Variants in LSG1 observed in about 807,000 individuals in gnomAD.
LSG1 encodes the protein large subunit GTPase 1 homolog.
In LSG1, 55 loss-of-function variants were observed where a neutral mutation model predicts 82.6. The ratio of observed to expected loss-of-function variants is 0.67; its 90% CI spans 0.54 to 0.83. LSG1 has a LOEUF of 0.83. Ranked by LOEUF, LSG1 falls within the 40% of genes least tolerant of loss-of-function variation. The pLI, the probability that LSG1 is intolerant of heterozygous loss-of-function variation, is 0.00. For missense variants in LSG1, 809 were observed against 807.9 expected, an observed-to-expected ratio of 1.00 and a Z score of -0.02; for synonymous variants, 272 against 282.5, an observed-to-expected ratio of 0.96 and a Z score of 0.37.
At chr3:194,667,015 A>G (rs1719043590) in intron 2 of LSG1, among the ~76,000 whole-genome samples, 1 of 152,030 alleles carries the variant, frequency 6.6e-6, no homozygotes, top group South Asian at 2.1e-4. Flanking sequence ...AGATGCTGAG[A>G]AGTAGAGGTG....
chr3:194,666,151 TA>T, intron 4 of LSG1, 51 bp downstream of exon 4: 1 of 1,474,736 alleles, frequency 6.8e-7, no homozygotes, highest in Non-Finnish European at 9.5e-7. Context: ...GCATGCCAAA[TA>T]TCTGAACTCA....
chr3:194,645,583 C>CACACACACAGACAG lies in LSG1; in HGVS notation c.1623+580_1623+581insCTGTCTGTGTGTGT, dbSNP rs1560219875. Among the ~76,000 whole-genome samples, 639 of 68,370 alleles carry CACACACACAGACAG rather than the reference C, an allele frequency of 9.3e-3. 64 individuals are homozygous for CACACACACAGACAG. The highest frequency in any genetic ancestry group is 0.032 in the South Asian group (60 of 1,894). The allele number at this position is 68,370 out of a possible 152,430, so 44.9% of individuals were successfully genotyped here. ...ACACACACACACAGACAGACACACA[C>CACACACACAGACAG]ACACACACACACACACACACACACA... On this transcript the variant is annotated intron_variant, in intron 12 of 13. Transcript: ENST00000265245.
At chr3:194,667,942 A>AAAAAAAAAAAATATAT (rs1416407494) in intron 2 of LSG1, among the ~76,000 whole-genome samples, 1 of 86,968 alleles carries the variant, frequency 1.1e-5, no homozygotes, top group African/African-American at 4.8e-5. Flanking sequence ...AAAAAAAAAA[A>AAAAAAAAAAAATATAT]ATATATATAT....
chr3:194,658,994 G>T lies in LSG1; in HGVS notation c.722C>A (p.Ala241Asp). 1.2e-6 allele frequency: 2 copies of T among 1,614,222 alleles called. No individual in the cohort carries two copies. Among genetic ancestry groups the T allele is most frequent in the Non-Finnish European group, 1.7e-6 (2 of 1,180,024 alleles). Residue 241 changes from alanine to aspartate, a missense_variant, in exon 7 of 14, where the codon GCT becomes GAT. Coordinates refer to ENST00000265245, the MANE Select transcript of LSG1 (RefSeq NM_018385.3). ...KEDVKVIFWSALAGAIPLNGD... is the reference protein window; with the variant it reads ...KEDVKVIFWSDLAGAIPLNGD... ...ATTCAGGGGAATGGCTCCGGCCAAAGCTGACCAGAAAATAACCTTCACATC... is the reference window on the plus strand; with the variant it reads ...ATTCAGGGGAATGGCTCCGGCCAAATCTGACCAGAAAATAACCTTCACATC...
At chr3:194,657,726 A>G (rs1693713610) in intron 7 of LSG1, among the ~76,000 whole-genome samples, 2 of 152,168 alleles carry the variant, frequency 1.3e-5, no homozygotes, top group South Asian at 4.1e-4. Context: ...GGTGTCTATG[A>G]GGAATATGAA....
chr3:194,665,566 A>G lies in LSG1; in HGVS notation c.512T>C (p.Ile171Thr). The G allele has an allele frequency of 6.2e-7, 1 of 1,608,356 alleles. No individual in the cohort carries two copies. The highest frequency in any genetic ancestry group is 8.5e-7 in the Non-Finnish European group (1 of 1,177,714). Residue 171 changes from isoleucine (I) to threonine (T), a missense_variant, in exon 5 of 14, where the codon ATT becomes ACT. Coordinates refer to ENST00000265245, the MANE Select transcript of LSG1 (RefSeq NM_018385.3). Reference sequence around the variant, plus strand: ...GAAAATGATAATTCACCTTCTCTCAATGACTCTCCAGAGCTGGCGCCAAAA... The same window carrying G: ...GAAAATGATAATTCACCTTCTCTCAGTGACTCTCCAGAGCTGGCGCCAAAA... Reference protein sequence around the residue: ...LDFWRQLWRVIERSDIVVQIV... With the variant: ...LDFWRQLWRVTERSDIVVQIV...
chr3:194,670,182 T>C (rs1396939611), intron 1 of LSG1, 47 bp from the exon 2 acceptor site: 1 of 1,606,026 alleles, frequency 6.2e-7, no homozygotes. Flanking sequence ...TCTTCTGCTC[T>C]TGGCATCCAA....
Position 194,666,220 on chromosome 3 carries a change from C to T in LSG1, c.417G>A (p.Trp139Ter), listed in dbSNP as rs1455368269. The T allele has an allele frequency of 6.2e-7, 1 of 1,614,052 alleles. No individual in the cohort carries two copies. The highest frequency in any genetic ancestry group is 1.3e-5 in the African/African-American group (1 of 75,040). The part of the protein sequence containing the change: ...KQAEKDNFLE[W>*]RRQLVRLEEE... ...ATACTCACCGGACAAGCTGACGTCT[C>T]CATTCTAGAAAGTTATCTTTCTCTG... The change falls in exon 4 of 14, where the codon TGG (tryptophan) becomes TGA (stop). Residue 139 changes from tryptophan to a stop codon, truncating the protein, a stop_gained. Coordinates refer to ENST00000265245, the MANE Select transcript of LSG1 (RefSeq NM_018385.3). LOFTEE classifies it high-confidence loss of function.
chr3:194,647,260 T>C (rs1019090460), intron 11 of LSG1, among the ~76,000 whole-genome samples: 6 of 152,204 alleles, frequency 3.9e-5, no homozygotes, highest in Admixed American at 3.3e-4. Context: ...AGGAAAAATA[T>C]AGTCTATTAA....
chr3:194,670,241 T>C (rs1719117512), intron 1 of LSG1, 106 bp from the exon 2 acceptor site: 3 of 1,165,884 alleles, frequency 2.6e-6, no homozygotes, highest in Middle Eastern at 2.5e-4. Context: ...AGGGTGGTTG[T>C]AGTCCCTTTA....
chr3:194,645,571 GACAGACACAC>G (rs1560219820), intron 12 of LSG1, among the ~76,000 whole-genome samples: 1,473 of 41,304 alleles, frequency 0.036, 205 homozygotes, highest in South Asian at 0.065. Context: ...CACACACACA[GACAGACACAC>G]ACACACACAC....
At chr3:194,661,903 C>G (rs1158051986) in intron 5 of LSG1, among the ~76,000 whole-genome samples, 1 of 152,150 alleles carries the variant, frequency 6.6e-6, no homozygotes, top group African/African-American at 2.4e-5. Context: ...CATGTACAGG[C>G]TCACTTGGGA....
intron 12 of LSG1, chr3:194,645,531 GACAGACACACACACACAC>G (rs1718512073): frequency 1.1e-4 from 4 of 35,114 alleles, no homozygotes; most frequent in South Asian, 1.0e-3. Context: ...CACACACACA[GACAGACACACACACACAC>G]ACACACACAC....
At chr3:194,649,722 T>C (rs1718633050) in intron 10 of LSG1, among the ~76,000 whole-genome samples, 1 of 151,972 alleles carries the variant, frequency 6.6e-6, no homozygotes. Context: ...CACTTTTTCA[T>C]ATATATGTAT....
Position 194,650,887 on chromosome 3 carries a change from T to TA in LSG1, c.1412dup (p.Ser472IlefsTer19). On this transcript the variant is annotated frameshift_variant, in exon 10 of 14. Coordinates refer to ENST00000265245, the MANE Select transcript of LSG1 (RefSeq NM_018385.3). LOFTEE classifies it high-confidence loss of function. ...TCCAAAGCAGAAAGGATATTAGTGA[T>TA]ACAGGAGGAACATGATCTCTCATCT... 2 of 1,613,050 alleles carry TA rather than the reference T, an allele frequency of 1.2e-6. No individual in the cohort carries two copies. The highest frequency in any genetic ancestry group is 1.7e-6 in the Non-Finnish European group (2 of 1,179,566).
intron 8 of LSG1, chr3:194,651,500 G>A (rs1718673685): frequency 5.1e-6 from 2 of 391,206 alleles, no homozygotes; most frequent in Non-Finnish European, 9.3e-6. Context: ...CTTGTTCCCA[G>A]CCTTCCCTCA....
intron 12 of LSG1, chr3:194,645,515 C>CACACACAGACACAGACAG (rs1718506972): frequency 1.9e-5 from 1 of 53,914 alleles, no homozygotes; most frequent in Admixed American, 2.2e-4. Flanking sequence ...CACACACACA[C>CACACACAGACACAGACAG]ACACACACAC....
At chr3:194,657,030 G>A (rs1773192) in intron 7 of LSG1, among the ~76,000 whole-genome samples, 93,416 of 151,822 alleles carry the variant, frequency 0.62, 30,287 homozygotes, top group East Asian at 0.87. Context: ...GATAACATTA[G>A]GAGATATACC....
At chr3:194,665,351 T>C (rs2108621589) in intron 5 of LSG1, among the ~76,000 whole-genome samples, 1 of 152,366 alleles carries the variant, frequency 6.6e-6, no homozygotes, top group African/African-American at 2.4e-5. Context: ...ATGTTCATTA[T>C]TCTCACACAC....
Sources: gnomAD v4.1 joint callset for allele counts (sites outside exome capture counted in the v4.1 genomes callset) on GRCh38, gnomAD v4.1.1 for gene constraint, MANE v1.5 for transcripts, NCBI Gene and HGNC (gene_info 2026-07-23, HGNC 2026-07-21) for gene names.